Variants in KHDC1 observed in about 807,000 individuals in gnomAD.
KHDC1 encodes the protein KH domain containing 1.
A neutral mutation model predicts 24.7 loss-of-function variants in KHDC1; 21 were observed. The ratio of observed to expected loss-of-function variants is 0.85; its 90% confidence interval spans 0.60 to 1.23. The LOEUF (loss-of-function observed/expected upper bound fraction) is 1.23. Among genes scored for constraint, KHDC1 ranks in the 50% most tolerant of loss-of-function variants. KHDC1 has a pLI of 0.00. For missense variants in KHDC1, 274 were observed against 298.5 expected, an observed-to-expected ratio of 0.92 and a Z score of 0.61; for synonymous variants, 98 against 111.7, an observed-to-expected ratio of 0.88 and a Z score of 0.77.
intron 2 of KHDC1, among the ~76,000 whole-genome samples, chr6:73,273,353 A>C (rs983314151): frequency 2.0e-5 from 3 of 149,824 alleles, no homozygotes; most frequent in Non-Finnish European, 4.4e-5. Context: ...TTTTCAGTAG[A>C]GATAGGGTTT....
At chr6:73,260,056 C>T (rs535606203) in intron 2 of KHDC1, among the ~76,000 whole-genome samples, 10 of 152,302 alleles carry the variant, frequency 6.6e-5, no homozygotes, top group Admixed American at 5.9e-4. Context: ...GACATCTCTT[C>T]AAGCTTTTCT....
chr6:73,253,540 G>A (rs376493131), intron 2 of KHDC1, among the ~76,000 whole-genome samples: 1 of 151,234 alleles, frequency 6.6e-6, no homozygotes, highest in Non-Finnish European at 1.5e-5. Flanking sequence ...GTGAAAGAGC[G>A]AGAGTCCGTC....
intron 2 of KHDC1, among the ~76,000 whole-genome samples, chr6:73,285,043 C>T (rs1039280090): frequency 6.6e-6 from 1 of 152,042 alleles, no homozygotes; most frequent in African/African-American, 2.4e-5. Context: ...TGGGGTTTCA[C>T]CATGTTGGCC....
At chr6:73,260,013 T>C (rs979000638) in intron 2 of KHDC1, among the ~76,000 whole-genome samples, 3 of 152,196 alleles carry the variant, frequency 2.0e-5, no homozygotes, top group Non-Finnish European at 4.4e-5. Flanking sequence ...TTTCTTTGCA[T>C]TTCAGTGAAA....
At chr6:73,281,290 G>A (rs1767402433) in intron 2 of KHDC1, among the ~76,000 whole-genome samples, 1 of 151,694 alleles carries the variant, frequency 6.6e-6, no homozygotes, top group Non-Finnish European at 1.5e-5. Context: ...AGTGAGCCAA[G>A]CTCATGCCAC....
intron 2 of KHDC1, among the ~76,000 whole-genome samples, chr6:73,280,952 T>G (rs908967596): frequency 6.7e-6 from 1 of 149,902 alleles, no homozygotes; most frequent in Non-Finnish European, 1.5e-5. Flanking sequence ...CTTACGCCTG[T>G]AATCCCAACA....
At chr6:73,268,134 G>A (rs1767108489) in intron 2 of KHDC1, 1 of 153,408 alleles carries the variant, frequency 6.5e-6, no homozygotes, top group South Asian at 2.0e-4. Context: ...CTCTTAAGGT[G>A]GCACATCTGG....
chr6:73,299,226 G>C (rs939619476), intron 1 of KHDC1: 1 of 152,300 alleles, frequency 6.6e-6, no homozygotes, highest in Non-Finnish European at 1.5e-5. Context: ...GAGCTCGCTC[G>C]GGAGATAGTT....
intron 2 of KHDC1, among the ~76,000 whole-genome samples, chr6:73,253,164 A>G (rs1766812101): frequency 6.6e-6 from 1 of 152,202 alleles, no homozygotes; most frequent in African/African-American, 2.4e-5. Flanking sequence ...ATACACCCAC[A>G]TATATGCATA....
intron 2 of KHDC1, among the ~76,000 whole-genome samples, chr6:73,291,498 T>A (rs1767649891): frequency 6.6e-6 from 1 of 152,084 alleles, no homozygotes; most frequent in Admixed American, 6.6e-5. Flanking sequence ...CTTTTTTTTT[T>A]AATTCTTCGT....
At chr6:73,245,582 T>C (rs970212788) in intron 2 of KHDC1, among the ~76,000 whole-genome samples, 2 of 152,204 alleles carry the variant, frequency 1.3e-5, no homozygotes, top group African/African-American at 4.8e-5. Context: ...AATTAGAAAT[T>C]CCCAAGACAT....
At chr6:73,285,185 TAG>T (rs957961240) in intron 2 of KHDC1, among the ~76,000 whole-genome samples, 2 of 152,198 alleles carry the variant, frequency 1.3e-5, no homozygotes, top group African/African-American at 2.4e-5. Flanking sequence ...TAAATTTCCA[TAG>T]AGTTTGTTTT....
intron 2 of KHDC1, among the ~76,000 whole-genome samples, chr6:73,271,429 G>C (rs919464266): frequency 6.6e-6 from 1 of 151,220 alleles, no homozygotes; most frequent in Non-Finnish European, 1.5e-5. Context: ...GGCTGGTCTT[G>C]AACTCCTGAC....
At chr6:73,249,810 C>T (rs958131626) in intron 2 of KHDC1, among the ~76,000 whole-genome samples, 9 of 152,012 alleles carry the variant, frequency 5.9e-5, no homozygotes, top group African/African-American at 1.2e-4. Context: ...AGAGTAGTGT[C>T]GTGATCATAG....
At chr6:73,281,996 T>A (rs2150677811) in intron 2 of KHDC1, among the ~76,000 whole-genome samples, 1 of 152,036 alleles carries the variant, frequency 6.6e-6, no homozygotes, top group East Asian at 1.9e-4. Flanking sequence ...GGTGGGTGGA[T>A]CACTTGAGGC....
chr6:73,241,660 C>T (rs200762693), exon 5 of KHDC1: 1 of 1,614,164 alleles, frequency 6.2e-7, no homozygotes, highest in Non-Finnish European at 8.5e-7. Flanking sequence ...TATGGTGGCA[C>T]ACTAATGGAG....
intron 2 of KHDC1, chr6:73,290,518 T>C: frequency 4.9e-6 from 2 of 407,068 alleles, no homozygotes; most frequent in South Asian, 3.8e-5. Context: ...CATAATCTTT[T>C]TTTTTTCTAA....
At chr6:73,295,424 G>A (rs139796490) in intron 1 of KHDC1, among the ~76,000 whole-genome samples, 2 of 152,098 alleles carry the variant, frequency 1.3e-5, no homozygotes, top group Non-Finnish European at 1.5e-5. Flanking sequence ...AATCTAGGTC[G>A]GGCACAGTGG....
At chr6:73,261,950 G>A (rs1766988161) in intron 2 of KHDC1, among the ~76,000 whole-genome samples, 1 of 151,564 alleles carries the variant, frequency 6.6e-6, no homozygotes, top group South Asian at 2.1e-4. Context: ...AAGGTGGTAT[G>A]TGCCTGCGGT....
Sources: gnomAD v4.1 joint callset for allele counts (sites outside exome capture counted in the v4.1 genomes callset) on GRCh38, gnomAD v4.1.1 for gene constraint, MANE v1.5 for transcripts, NCBI Gene and HGNC (gene_info 2026-07-23, HGNC 2026-07-21) for gene names.